SORCS2: variants seen among roughly 807,000 people sequenced by gnomAD.
The protein encoded by SORCS2 is VPS10 domain-containing receptor SorCS2.
In SORCS2, 100 loss-of-function variants were observed where a neutral mutation model predicts 141.6. The observed-to-expected ratio is 0.71, with a 90% CI of 0.60 to 0.83. The LOEUF is 0.83. SORCS2 is among the 40% of genes least tolerant of loss of function. The pLI is 0.00. For synonymous variants in SORCS2, 789 were observed against 676.9 expected (o/e 1.17, Z -2.57); for missense variants, 1,646 against 1,560.2 (o/e 1.05, Z -0.93).
Position 7,664,012 on chromosome 4 carries a change from G to A in SORCS2, c.953-341G>A, listed in dbSNP as rs770066322. On this transcript the variant is annotated intron_variant, in intron 6 of 26. Coordinates refer to ENST00000507866, the MANE Select transcript of SORCS2 (RefSeq NM_020777.3). This position sits in a 1 kb window ranked among gnomAD's most constrained non-coding sequence, Gnocchi z 4.7. Reference sequence around the variant, plus strand: ...CCCCACCCGCCCCCATCCCTGCTTAGGTGTGAGAGACTTCAGGAGGGTATG... The same window carrying A: ...CCCCACCCGCCCCCATCCCTGCTTAAGTGTGAGAGACTTCAGGAGGGTATG... Among the ~76,000 whole-genome samples the A allele has an allele frequency of 2.4e-4, 37 of 152,180 alleles. No homozygotes were observed. The highest frequency in any genetic ancestry group is 3.9e-4 in the Admixed American group (6 of 15,272).
At chr4:7,556,795 T>C (rs1714150617) in intron 3 of SORCS2, among the ~76,000 whole-genome samples, 1 of 134,392 alleles carries the variant, frequency 7.4e-6, no homozygotes, top group Admixed American at 7.4e-5. Flanking sequence ...CACACATCCA[T>C]CCACTTACCT....
At chr4:7,495,722 A>G (rs1032852657) in intron 2 of SORCS2, among the ~76,000 whole-genome samples, 5 of 152,208 alleles carry the variant, frequency 3.3e-5, no homozygotes, top group African/African-American at 9.6e-5. Flanking sequence ...TCTCGTCTCC[A>G]TGATCCTGAT....
At chr4:7,497,535 G>C (rs563715528) in intron 2 of SORCS2, among the ~76,000 whole-genome samples, 97 of 152,344 alleles carry the variant, frequency 6.4e-4, no homozygotes, top group African/African-American at 2.2e-3. Flanking sequence ...CCAACCAGGG[G>C]TCAGGCAAGT....
intron 3 of SORCS2, among the ~76,000 whole-genome samples, chr4:7,577,539 G>T (rs570206622): frequency 1.9e-4 from 29 of 150,336 alleles, no homozygotes; most frequent in African/African-American, 5.6e-4. Context: ...GCATACAGGC[G>T]AAGTCAGCTA....
At chr4:7,403,997 A>ATATATATATATATATATATATATT (rs1265288820) in intron 2 of SORCS2, among the ~76,000 whole-genome samples, 4 of 18,966 alleles carry the variant, frequency 2.1e-4, no homozygotes, top group Admixed American at 5.3e-4. Flanking sequence ...ATATATATAT[A>ATATATATATATATATATATATATT]TTTTTTTTTT....
intron 3 of SORCS2, among the ~76,000 whole-genome samples, chr4:7,540,310 G>C (rs1027942992): frequency 2.0e-5 from 3 of 151,884 alleles, no homozygotes; most frequent in Non-Finnish European, 2.9e-5. Context: ...GACCTGAGCT[G>C]TGCATGATGG....
chr4:7,283,902 T>C (rs3913447), intron 1 of SORCS2, among the ~76,000 whole-genome samples: 93,886 of 151,872 alleles, frequency 0.62, 29,719 homozygotes, highest in Admixed American at 0.73. Context: ...ACTTGGGCCA[T>C]AGGAGCGAGG....
chr4:7,251,175 A>T (rs1713485581), intron 1 of SORCS2, among the ~76,000 whole-genome samples: 2 of 152,218 alleles, frequency 1.3e-5, no homozygotes, highest in Admixed American at 1.3e-4. Context: ...ACTTTGCATC[A>T]TGGAAAGTTT....
At position 7,703,175 on chromosome 4, in the gene SORCS2, AC is replaced by A. The variant is rs1577093665; in HGVS notation, c.1669-100del. ...AGACCGGCCTTGGCCTCTGCCAACA[AC>A]CCCCGGCTGCACATTGACAACCCTC... On this transcript the variant is annotated intron_variant, in intron 12 of 26. Coordinates refer to ENST00000507866, the MANE Select transcript of SORCS2 (RefSeq NM_020777.3). The A allele has an allele frequency of 6.8e-6, 6 of 886,886 alleles. No individual in the cohort carries two copies. The East Asian group carries it at 1.4e-4, about 21-fold the overall frequency. 54.9% of individuals were successfully genotyped at this position (886,886 alleles called of 1,614,324 possible).
At chr4:7,510,697 G>T (rs1732579842) in intron 2 of SORCS2, among the ~76,000 whole-genome samples, 1 of 150,146 alleles carries the variant, frequency 6.7e-6, no homozygotes, top group African/African-American at 2.4e-5. Context: ...CTTGTTCTGG[G>T]CGCGGCATGT....
At chr4:7,656,911 C>T (rs1721815060) in intron 5 of SORCS2, among the ~76,000 whole-genome samples, 1 of 152,240 alleles carries the variant, frequency 6.6e-6, no homozygotes, top group African/African-American at 2.4e-5. Context: ...GTTCCCACCT[C>T]CCCAAAACAC....
chr4:7,402,538 A>G (rs1279522191), intron 2 of SORCS2, among the ~76,000 whole-genome samples: 1 of 152,202 alleles, frequency 6.6e-6, no homozygotes, highest in Non-Finnish European at 1.5e-5. Context: ...TGATTTATGT[A>G]TTCCCCTGCT....
chr4:7,634,967 G>A (rs1415981895), intron 3 of SORCS2, among the ~76,000 whole-genome samples: 1 of 152,244 alleles, frequency 6.6e-6, no homozygotes, highest in Non-Finnish European at 1.5e-5. Flanking sequence ...AGGTCATCCA[G>A]CACAAGGAAA....
chr4:7,454,531 A>AG (rs1728732585), intron 2 of SORCS2, among the ~76,000 whole-genome samples: 4 of 114,458 alleles, frequency 3.5e-5, no homozygotes, highest in Admixed American at 9.1e-5. Context: ...TGTTGGGGTC[A>AG]GCTGCTGTGT....
chr4:7,697,355 G>A lies in SORCS2; in HGVS notation c.1668+81G>A, dbSNP rs1027874079. 5.7e-6 allele frequency: 7 copies of A among 1,222,026 alleles called. No individual in the cohort carries two copies. In the East Asian group the frequency reaches 7.7e-5, roughly 13 times the overall value. 75.7% of individuals were successfully genotyped at this position (1,222,026 alleles called of 1,614,324 possible). On this transcript the variant is annotated intron_variant, in intron 12 of 26. Coordinates refer to ENST00000507866, the MANE Select transcript of SORCS2 (RefSeq NM_020777.3). The stretch of plus-strand genomic sequence containing the variant: ...GGAGACACTTCTGTTCTGTCATCCC[G>A]TCCATTCCAGAGGCTCTGTGGGAGA...
chr4:7,633,288 G>A (rs1410410794), intron 3 of SORCS2, among the ~76,000 whole-genome samples: 1 of 152,102 alleles, frequency 6.6e-6, no homozygotes, highest in Non-Finnish European at 1.5e-5. Flanking sequence ...GATGCCAGGA[G>A]CCTGAGGGGT....
intron 10 of SORCS2, among the ~76,000 whole-genome samples, chr4:7,686,900 T>C (rs1196415691): frequency 6.6e-6 from 1 of 152,170 alleles, no homozygotes; most frequent in Admixed American, 6.5e-5. Context: ...TGTTCACCAG[T>C]GGCCTGCAGG....
chr4:7,198,755 G>C (rs1306317302), intron 1 of SORCS2, among the ~76,000 whole-genome samples: 1 of 152,186 alleles, frequency 6.6e-6, no homozygotes, highest in East Asian at 1.9e-4. Context: ...CGGGACCCTG[G>C]GCCTGGCAGC....
At chr4:7,577,957 G>T (rs998339355) in intron 3 of SORCS2, among the ~76,000 whole-genome samples, 8 of 151,596 alleles carry the variant, frequency 5.3e-5, no homozygotes, top group African/African-American at 1.9e-4. Flanking sequence ...TAGCATACTG[G>T]CGAAGTCAGC....
Sources: gnomAD v4.1 joint callset for allele counts (sites outside exome capture counted in the v4.1 genomes callset) on GRCh38, gnomAD v4.1.1 for gene constraint, Gnocchi (gnomAD v3.1) non-coding constraint, MANE v1.5 for transcripts, NCBI Gene and HGNC (gene_info 2026-07-23, HGNC 2026-07-21) for gene names.